ERG: variants seen among roughly 807,000 people sequenced by gnomAD.
ERG encodes the protein ETS transcription factor ERG, also known as transcriptional regulator ERG.
A neutral mutation model predicts 55.3 loss-of-function variants in ERG; 9 were observed. The ratio of observed to expected loss-of-function variants is 0.16; its 90% CI spans 0.10 to 0.28. The LOEUF is 0.28. Among genes scored for constraint, ERG ranks in the 10% least tolerant of loss-of-function variants. ERG has a pLI of 1.00. For synonymous variants in ERG, 223 were observed against 237.3 expected (o/e 0.94, Z 0.55); for missense variants, 434 against 631.6 (o/e 0.69, Z 3.35).
Position 38,387,006 on chromosome 21 carries a change from CT to C in ERG, c.920-3084del, listed in dbSNP as rs1445603658. On this transcript the variant is annotated intron_variant, in intron 9 of 9. Transcript: ENST00000288319. ...CTTTAATTTTACAGAGGAAAGTAAT[CT>C]CCTAATATTGTTAAAAGAAAGGGAG... 4.6e-5 allele frequency among the ~76,000 whole-genome samples: 7 copies of C among 152,132 alleles called. No homozygotes were observed. In the South Asian group the frequency reaches 1.5e-3, roughly 32 times the overall value.
intron 1 of ERG, among the ~76,000 whole-genome samples, chr21:38,601,975 A>G (rs2060167020): frequency 6.6e-6 from 1 of 151,986 alleles, no homozygotes; most frequent in African/African-American, 2.4e-5. Context: ...TCCACCTCCC[A>G]GATTCAAGCA....
intron 2 of ERG, among the ~76,000 whole-genome samples, chr21:38,442,069 G>A (rs1004137926): frequency 1.4e-4 from 21 of 152,204 alleles, no homozygotes; most frequent in African/African-American, 4.1e-4. Context: ...AATTCTATGA[G>A]CCCTGAGAGA....
intron 1 of ERG, among the ~76,000 whole-genome samples, chr21:38,583,185 C>T (rs1267758866): frequency 1.3e-5 from 2 of 152,228 alleles, no homozygotes; most frequent in African/African-American, 4.8e-5. Context: ...CTTTCACCAG[C>T]AAACCCTGCC....
In ERG at chr21:38,654,943, A is replaced by G. The variant is rs150515860; in HGVS notation, c.-150+6715T>C. ...ATCCATTCAACATATGAAATCTTAG[A>G]ATGTTTCTCAATTAGCACTTGGTTT... On this transcript the variant is annotated intron_variant, in intron 1 of 10. Coordinates refer to the ERG transcript ENST00000398910. Among the ~76,000 whole-genome samples the G allele has an allele frequency of 4.9e-3, 745 of 150,798 alleles. 8 individuals carry two copies. The highest frequency in any genetic ancestry group is 0.018 in the African/African-American group (707 of 40,302).
chr21:38,423,509 G>T lies in ERG; in HGVS notation c.289C>A (p.Pro97Thr), dbSNP rs150483062. 8.1e-6 allele frequency: 13 copies of T among 1,614,000 alleles called. No homozygotes were observed. The highest frequency in any genetic ancestry group is 1.3e-5 in the African/African-American group (1 of 74,918). ...VAKGGKMVGS[P>T]DTVGMNYGSY... ...CCGTAGTTCATCCCAACGGTGTCTGGGCTGCCCACCATCTTCCCGCCTTTG... is the reference window on the plus strand; with the variant it reads ...CCGTAGTTCATCCCAACGGTGTCTGTGCTGCCCACCATCTTCCCGCCTTTG... Residue 97 changes from proline (P) to threonine (T), a missense_variant, in exon 3 of 10, where the codon CCA becomes ACA. Transcript: ENST00000288319.
intron 2 of ERG, among the ~76,000 whole-genome samples, chr21:38,525,182 C>A (rs1468121034): frequency 1.3e-5 from 2 of 152,108 alleles, no homozygotes; most frequent in Non-Finnish European, 2.9e-5. Context: ...GTCAACCTAA[C>A]AGGATTCTCA....
chr21:38,444,235 G>T (rs1044744913), intron 2 of ERG, among the ~76,000 whole-genome samples: 2 of 152,206 alleles, frequency 1.3e-5, no homozygotes, highest in Non-Finnish European at 2.9e-5. Context: ...AATGCTCAGG[G>T]TGTGGAGTCA....
At chr21:38,631,725 C>T (rs2060358000) in intron 1 of ERG, among the ~76,000 whole-genome samples, 1 of 151,970 alleles carries the variant, frequency 6.6e-6, no homozygotes, top group African/African-American at 2.4e-5. Flanking sequence ...GCAAAAAGTT[C>T]CCACACCCCT....
intron 1 of ERG, among the ~76,000 whole-genome samples, chr21:38,591,057 T>C (rs890676871): frequency 6.6e-6 from 1 of 152,110 alleles, no homozygotes; most frequent in Non-Finnish European, 1.5e-5. Context: ...ATTTTCAGAC[T>C]GAGAAGGAAA....
At position 38,488,037 on chromosome 21, in the gene ERG, C is replaced by T. The variant is rs373616949; in HGVS notation, c.18+10326G>A. Among the ~76,000 whole-genome samples the T allele has an allele frequency of 2.7e-4, 41 of 152,280 alleles. No homozygotes were observed. The East Asian group carries it at 3.1e-3, about 11-fold the overall frequency. ...GGGGTCAAATGCAATCTCTGCCCCCCACCTGGCAGTCATCGGCACTTATGG... is the reference window on the plus strand; with the variant it reads ...GGGGTCAAATGCAATCTCTGCCCCCTACCTGGCAGTCATCGGCACTTATGG... On this transcript the variant is annotated intron_variant, in intron 1 of 9. Transcript: ENST00000288319.
In ERG at chr21:38,640,575, A is replaced by T. The variant is rs1003299795; in HGVS notation, c.-150+21083T>A. 3.2e-4 allele frequency among the ~76,000 whole-genome samples: 49 copies of T among 152,130 alleles called. 1 individual carries two copies. Among genetic ancestry groups the T allele is most frequent in the African/African-American group, 1.1e-3 (47 of 41,424 alleles). The stretch of plus-strand genomic sequence containing the variant: ...TCTCACAAGATCTGATGGTTTTATG[A>T]GGGGAAACCCCTTTCACTTGGCTCT... On this transcript the variant is annotated intron_variant, in intron 1 of 10. Transcript: ENST00000398910.
At chr21:38,593,770 AC>A (rs1238451080) in intron 1 of ERG, among the ~76,000 whole-genome samples, 1 of 152,216 alleles carries the variant, frequency 6.6e-6, no homozygotes, top group Non-Finnish European at 1.5e-5. Context: ...CTATAATAGA[AC>A]AAAAATGGCA....
At chr21:38,444,709 G>T (rs2058872774) in intron 2 of ERG, among the ~76,000 whole-genome samples, 1 of 141,818 alleles carries the variant, frequency 7.1e-6, no homozygotes, top group African/African-American at 2.6e-5. Flanking sequence ...AGGGCTTTAT[G>T]TGTAAGCTAA....
intron 2 of ERG, among the ~76,000 whole-genome samples, chr21:38,550,754 G>A (rs2059819016): frequency 6.6e-6 from 1 of 152,184 alleles, no homozygotes; most frequent in Non-Finnish European, 1.5e-5. Flanking sequence ...AGATAATTGA[G>A]AAAACAGAGA....
rs78518613 is a variant in ERG at position 38,525,193 on chromosome 21, A to G, written c.-41+50469T>C. Among the ~76,000 whole-genome samples the G allele has an allele frequency of 1.2e-4, 19 of 152,298 alleles. No homozygotes were observed. The East Asian group carries it at 3.5e-3, about 28-fold the overall frequency. On this transcript the variant is annotated intron_variant, in intron 2 of 8. Transcript: ENST00000398897. ...CAGAGTCAACCTAACAGGATTCTCA[A>G]GCCCCTCCCTACTGGTGTGGTGTGA... is the stretch of plus-strand genomic sequence containing the variant.
chr21:38,570,015 T>C (rs2059947767), intron 2 of ERG, among the ~76,000 whole-genome samples: 1 of 152,188 alleles, frequency 6.6e-6, no homozygotes, highest in Non-Finnish European at 1.5e-5. Context: ...TGGGTTGTTC[T>C]GTTTTTGCTC....
intron 2 of ERG, among the ~76,000 whole-genome samples, chr21:38,569,712 C>T (rs1004994066): frequency 6.6e-6 from 1 of 152,184 alleles, no homozygotes; most frequent in African/African-American, 2.4e-5. Context: ...ACTCTCCCCT[C>T]CCTGACAAGG....
At chr21:38,461,677 T>C (rs1726756365) in intron 1 of ERG, among the ~76,000 whole-genome samples, 1 of 152,224 alleles carries the variant, frequency 6.6e-6, no homozygotes, top group African/African-American at 2.4e-5. Flanking sequence ...CTGCCTCCAA[T>C]TAGCCCAGAC....
chr21:38,373,319 T>C, the ERG span, among the ~76,000 whole-genome samples: 2 of 152,228 alleles, frequency 1.3e-5, no homozygotes, highest in Non-Finnish European at 2.9e-5. Context: ...TTTTACATTT[T>C]GTTTTCAAAA....
Sources: allele counts gnomAD v4.1 joint callset (sites outside exome capture counted in the v4.1 genomes callset), GRCh38; gene constraint gnomAD v4.1.1; transcripts MANE v1.5; gene names NCBI Gene and HGNC (gene_info 2026-07-23, HGNC 2026-07-21).